ZFPM1: variants seen among roughly 807,000 people sequenced by gnomAD.
The protein encoded by ZFPM1 is zinc finger protein, FOG family member 1, also known as zinc finger protein ZFPM1.
Under a neutral mutation model 46.3 loss-of-function variants are expected in ZFPM1, and 28 were observed. That is an observed-to-expected ratio of 0.60 (90% CI 0.45 to 0.83). The LOEUF (loss-of-function observed/expected upper bound fraction) is 0.83, where lower values mean the gene tolerates loss of function less well. Ranked by LOEUF, ZFPM1 falls within the 40% of genes least tolerant of loss-of-function variation. The pLI, the probability that ZFPM1 is intolerant of heterozygous loss-of-function variation, is 0.00. For synonymous variants in ZFPM1, 957 were observed against 675.9 expected (o/e 1.42, Z -6.45); for missense variants, 1,878 against 1,432.4 (o/e 1.31, Z -5.02).
chr16:88,535,272 C>T lies in ZFPM1; in HGVS notation c.*293C>T. On this transcript the variant is annotated 3_prime_UTR_variant, in exon 10 of 10. Coordinates refer to ENST00000319555, the MANE Select transcript of ZFPM1 (RefSeq NM_153813.3). ...CACTGCGGCCCGGAGTGGCTGGGCCCCTGCCGGAGTTACACCACTGGGTGC... is the reference window on the plus strand; with the variant it reads ...CACTGCGGCCCGGAGTGGCTGGGCCTCTGCCGGAGTTACACCACTGGGTGC... 1 of 259,112 alleles carries T rather than the reference C, an allele frequency of 3.9e-6. No individual in the cohort carries two copies. The highest frequency in any genetic ancestry group is 7.3e-6 in the Non-Finnish European group (1 of 136,520). 16.1% of individuals were successfully genotyped at this position (259,112 alleles called of 1,614,324 possible).
Position 88,489,051 on chromosome 16 carries a change from C to G in ZFPM1, c.166C>G (p.Leu56Val). The part of the protein sequence containing the change: ...PSADVNSPPP[L>V]PPPTSPGGPK... ...TGCAGATGTTAACTCACCCCCACCG[C>G]TGCCGCCCCCCACATCCCCAGGAGG... The change falls in exon 3 of 10, where the codon CTG becomes GTG. Residue 56 changes from leucine (L) to valine (V), a missense_variant. Coordinates refer to ENST00000319555, the MANE Select transcript of ZFPM1 (RefSeq NM_153813.3). 2 of 1,613,030 alleles carry G rather than the reference C, an allele frequency of 1.2e-6. No homozygotes were observed. Among genetic ancestry groups the G allele is most frequent in the Non-Finnish European group, 1.7e-6 (2 of 1,179,688 alleles).
intron 1 of ZFPM1, among the ~76,000 whole-genome samples, chr16:88,455,582 G>A (rs998903231): frequency 1.3e-4 from 19 of 148,274 alleles, no homozygotes; most frequent in African/African-American, 3.9e-4. Flanking sequence ...CTGCGGCCGG[G>A]CCGCGAGTGC....
intron 1 of ZFPM1, among the ~76,000 whole-genome samples, chr16:88,454,705 C>G (rs1907457109): frequency 6.6e-6 from 1 of 152,264 alleles, no homozygotes; most frequent in Non-Finnish European, 1.5e-5. Context: ...CCTCCCCACC[C>G]TATGCCAATA....
chr16:88,511,301 C>T (rs952053602), intron 3 of ZFPM1, among the ~76,000 whole-genome samples: 27 of 151,998 alleles, frequency 1.8e-4, no homozygotes, highest in African/African-American at 5.3e-4. Flanking sequence ...ACTGAGCTCA[C>T]GGTGGGTTCT....
intron 1 of ZFPM1, among the ~76,000 whole-genome samples, chr16:88,473,691 G>T (rs1020411796): frequency 6.6e-6 from 1 of 152,132 alleles, no homozygotes; most frequent in African/African-American, 2.4e-5. Context: ...TGGGGAGGGG[G>T]GTCGCTCCCC....
rs556330224 is a variant in ZFPM1 at position 88,536,682 on chromosome 16, A to G, written c.*1703A>G. The G allele has an allele frequency of 1.3e-5, 2 of 152,438 alleles. No individual in the cohort carries two copies. The highest frequency in any genetic ancestry group is 4.8e-5 in the African/African-American group (2 of 41,570). 9.4% of individuals were successfully genotyped at this position (152,438 alleles called of 1,614,324 possible). On this transcript the variant is annotated 3_prime_UTR_variant, in exon 10 of 10. Coordinates refer to ENST00000319555, the MANE Select transcript of ZFPM1 (RefSeq NM_153813.3). Reference sequence around the variant, plus strand: ...TGATGTCTTTGTCCACCTGCCCACTAGGGTCTGGCCAGATGGGGCCCGTAG... The same window carrying G: ...TGATGTCTTTGTCCACCTGCCCACTGGGGTCTGGCCAGATGGGGCCCGTAG...
intron 1 of ZFPM1, among the ~76,000 whole-genome samples, chr16:88,455,870 G>A (rs1907534357): frequency 6.6e-6 from 1 of 152,230 alleles, no homozygotes; most frequent in African/African-American, 2.4e-5. Context: ...GCGGGGCCGG[G>A]GCAGCTCGGG....
In ZFPM1 at chr16:88,489,747, T is replaced by C. The variant is rs141211137; in HGVS notation, c.268+594T>C. The stretch of plus-strand genomic sequence containing the variant: ...TGGAGTTCTGACCCCAGAAGTCCCA[T>C]GAACGTGTTCTCCCTGTGGCCCCTT... On this transcript the variant is annotated intron_variant, in intron 3 of 9. Coordinates refer to ENST00000319555, the MANE Select transcript of ZFPM1 (RefSeq NM_153813.3). Among the ~76,000 whole-genome samples, 238 of 152,360 alleles carry C rather than the reference T, an allele frequency of 1.6e-3. 1 individual carries two copies. The highest frequency in any genetic ancestry group is 5.5e-3 in the African/African-American group (230 of 41,584).
intron 4 of ZFPM1, among the ~76,000 whole-genome samples, chr16:88,515,024 G>A (rs1911211242): frequency 6.6e-6 from 1 of 152,202 alleles, no homozygotes. Context: ...GCCTTCCAAG[G>A]CAGCCCCTTG....
At chr16:88,473,915 C>T (rs748707641) in intron 1 of ZFPM1, among the ~76,000 whole-genome samples, 1 of 152,222 alleles carries the variant, frequency 6.6e-6, no homozygotes, top group Non-Finnish European at 1.5e-5. Flanking sequence ...TCGGCTCTTC[C>T]GCAAGGGGTT....
chr16:88,511,781 A>G (rs1910978350), intron 3 of ZFPM1, among the ~76,000 whole-genome samples: 1 of 152,188 alleles, frequency 6.6e-6, no homozygotes, highest in Non-Finnish European at 1.5e-5. Context: ...ACCTGGGGTG[A>G]GCTGGGGCTA....
intron 4 of ZFPM1, among the ~76,000 whole-genome samples, chr16:88,521,602 C>T (rs1258758477): frequency 2.2e-5 from 3 of 133,406 alleles, no homozygotes; most frequent in Non-Finnish European, 4.8e-5. Flanking sequence ...GCTGTTCCTT[C>T]CCTCATGCTG....
intron 4 of ZFPM1, among the ~76,000 whole-genome samples, chr16:88,519,130 GTGGA>G (rs545032519): frequency 1.4e-3 from 166 of 121,252 alleles, no homozygotes; most frequent in Middle Eastern, 6.3e-3. Flanking sequence ...GGATGGATGG[GTGGA>G]TGGATGGATG....
intron 3 of ZFPM1, among the ~76,000 whole-genome samples, chr16:88,504,710 G>A (rs1270656479): frequency 6.6e-6 from 1 of 152,350 alleles, no homozygotes; most frequent in East Asian, 1.9e-4. Flanking sequence ...ACGGGGCCAA[G>A]GTAGTGGTGT....
At chr16:88,533,061 C>G (rs1449275255) in intron 9 of ZFPM1, 87 bp from the exon 10 acceptor site, 2 of 1,466,838 alleles carry the variant, frequency 1.4e-6, no homozygotes, top group Non-Finnish European at 1.8e-6. Flanking sequence ...TCCCGCCCAC[C>G]CCTCCCCTTC....
At chr16:88,468,784 C>T (rs549703873) in intron 1 of ZFPM1, 1 of 152,550 alleles carries the variant, frequency 6.6e-6, no homozygotes, top group South Asian at 2.1e-4. Context: ...GGGTGAGGCC[C>T]AGGGATTGGC....
rs11643899 is a variant in ZFPM1, at chr16:88,536,502, A to G, written c.*1523A>G. 0.65 allele frequency: 99,040 copies of G among 152,080 alleles called. 32,917 individuals are homozygous for G. The highest frequency in any genetic ancestry group is 0.76 in the Middle Eastern group (223 of 294). The allele number at this position is 152,080 out of a possible 1,614,324, so 9.4% of individuals were successfully genotyped here. ...TTCCAACTCTACTTGAACTAGCTGC[A>G]TTTTTTTCAGCTTTGCCCAGCAGCC... On this transcript the variant is annotated 3_prime_UTR_variant, in exon 10 of 10. Transcript: ENST00000319555.
chr16:88,474,785 G>A (rs1908599146), intron 1 of ZFPM1, among the ~76,000 whole-genome samples: 1 of 152,164 alleles, frequency 6.6e-6, no homozygotes, highest in Admixed American at 6.5e-5. Context: ...CGCTCTTAAC[G>A]CCCCTGCTGC....
At chr16:88,490,236 G>T (rs1253376477) in intron 3 of ZFPM1, among the ~76,000 whole-genome samples, 14 of 152,046 alleles carry the variant, frequency 9.2e-5, no homozygotes, top group African/African-American at 3.1e-4. Context: ...CTATTTTGAG[G>T]AGAGACGGGG....
Sources: allele counts gnomAD v4.1 joint callset (sites outside exome capture counted in the v4.1 genomes callset), GRCh38; gene constraint gnomAD v4.1.1; transcripts MANE v1.5; gene names NCBI Gene and HGNC (gene_info 2026-07-23, HGNC 2026-07-21).